NR2F2: variants seen among roughly 807,000 people sequenced by gnomAD.
The protein encoded by NR2F2 is COUP transcription factor 2.
NR2F2 carries 2 observed loss-of-function variants against 34.8 expected under a neutral mutation model. The ratio of observed to expected loss-of-function variants is 0.06; its 90% confidence interval spans 0.02 to 0.18. The LOEUF (loss-of-function observed/expected upper bound fraction) is 0.18, where lower values mean the gene tolerates loss of function less well. Among genes scored for constraint, NR2F2 ranks in the 10% least tolerant of loss-of-function variants. NR2F2 has a pLI of 1.00. For synonymous variants in NR2F2, 274 were observed against 251.8 expected (o/e 1.09, Z -0.84); for missense variants, 300 against 580.1 (o/e 0.52, Z 4.96).
Position 96,331,696 on chromosome 15 carries a change from T to TTTTTTTGCCTCC in NR2F2, c.-408_-397dup. On this transcript the variant is annotated 5_prime_UTR_variant, in exon 1 of 3. Transcript: ENST00000394166. ...CGAGCGAGATCTTTGGAGAGATTTTTTTTTTTGCCTCCTACTTCTGTCTTG... is the reference window on the plus strand; with the variant it reads ...CGAGCGAGATCTTTGGAGAGATTTTTTTTTTTGCCTCCTTTTTTGCCTCCTACTTCTGTCTTG... 9.5e-7 allele frequency: 1 copy of TTTTTTTGCCTCC among 1,057,586 alleles called. No individual in the cohort carries two copies. Among genetic ancestry groups the TTTTTTTGCCTCC allele is most frequent in the Non-Finnish European group, 1.2e-6 (1 of 833,896 alleles). 65.5% of individuals were successfully genotyped at this position (1,057,586 alleles called of 1,614,324 possible). A position where few individuals can be genotyped will look rare whatever the true frequency, so the allele number is the denominator to read the frequency against.
At position 96,339,156 on chromosome 15, in the gene NR2F2, G is replaced by GA. The variant is rs1411749518; in HGVS notation, c.*1539dup. The stretch of plus-strand genomic sequence containing the variant: ...AGTGCCTGCTTAGGGAAGGTATTGT[G>GA]AAAAAGTATTAGAAATCTTGAGATC... On this transcript the variant is annotated 3_prime_UTR_variant, in exon 3 of 3. Coordinates refer to ENST00000394166, the MANE Select transcript of NR2F2 (RefSeq NM_021005.4). 4 of 151,362 alleles carry GA rather than the reference G, an allele frequency of 2.6e-5. No individual in the cohort carries two copies. The highest frequency in any genetic ancestry group is 4.8e-5 in the African/African-American group (2 of 41,298). 9.4% of individuals were successfully genotyped at this position (151,362 alleles called of 1,614,324 possible).
chr15:96,326,429 T>A (rs1033465232), upstream of NR2F2: 26 of 1,274,252 alleles, frequency 2.0e-5, no homozygotes, highest in African/African-American at 3.4e-4. The surrounding 1 kb of genome is among the most constrained non-coding windows in gnomAD (Gnocchi z 5.5). Context: ...GGGTTGGGGA[T>A]GACTTGGGGC....
At chr15:96,332,610 A>G in intron 1 of NR2F2, 63 bp downstream of exon 1, 1 of 1,576,400 alleles carries the variant, frequency 6.3e-7, no homozygotes, top group South Asian at 1.2e-5. Context: ...ACGTTTGGCT[A>G]GCCTGCTCTG....
upstream of NR2F2, among the ~76,000 whole-genome samples, chr15:96,326,595 A>T (rs539645642): frequency 1.3e-4 from 20 of 152,122 alleles, 1 homozygote; most frequent in African/African-American, 4.8e-4. This position sits in a 1 kb window ranked among gnomAD's most constrained non-coding sequence, Gnocchi z 5.5. Flanking sequence ...GGGAAAATAC[A>T]ATTGCAAAGC....
At position 96,334,202 on chromosome 15, in the gene NR2F2, C is replaced by G; in HGVS notation, c.569C>G (p.Pro190Arg). 1 of 1,614,214 alleles carries G rather than the reference C, an allele frequency of 6.2e-7. No individual in the cohort carries two copies. The highest frequency in any genetic ancestry group is 1.1e-5 in the South Asian group (1 of 91,088). The change falls in exon 2 of 3, where the codon CCC becomes CGC. Residue 190 changes from proline (P) to arginine (R), a missense_variant. Coordinates refer to ENST00000394166, the MANE Select transcript of NR2F2 (RefSeq NM_021005.4). The part of the protein sequence containing the change: ...GYISLLLRAE[P>R]YPTSRFGSQC... ...ATTTCCCTGCTGTTGCGCGCGGAGC[C>G]CTATCCCACGTCGCGCTTCGGCAGC...
chr15:96,333,266 C>T (rs1173932775), intron 1 of NR2F2: 3 of 884,328 alleles, frequency 3.4e-6, no homozygotes, highest in Admixed American at 6.2e-5. Flanking sequence ...GCGCGCTCGG[C>T]GCGGGGCGCG....
In NR2F2 at chr15:96,339,650, G is replaced by C. The variant is rs941500410; in HGVS notation, c.*2028G>C. The C allele has an allele frequency of 1.3e-5, 2 of 152,200 alleles. No homozygotes were observed. The highest frequency in any genetic ancestry group is 2.9e-5 in the Non-Finnish European group (2 of 68,046). 9.4% of individuals were successfully genotyped at this position (152,200 alleles called of 1,614,324 possible). Reference sequence around the variant, plus strand: ...AGAAAGCAGGACAGAGAAAAAGAAAGAAGGAAGGAGGGAAACTTTACAGGG... The same window carrying C: ...AGAAAGCAGGACAGAGAAAAAGAAACAAGGAAGGAGGGAAACTTTACAGGG... On this transcript the variant is annotated 3_prime_UTR_variant, in exon 3 of 3. Transcript: ENST00000394166.
Position 96,332,254 on chromosome 15 carries a change from G to T in NR2F2, c.149G>T (p.Ser50Ile). 1 of 1,543,134 alleles carries T rather than the reference G, an allele frequency of 6.5e-7. No individual in the cohort carries two copies. Among genetic ancestry groups the T allele is most frequent in the Non-Finnish European group, 8.7e-7 (1 of 1,145,514 alleles). Reference sequence around the variant, plus strand: ...ACGCCCGGCCAAGGGGGCCCAGCCAGCACGCCAGCCCAGACGGCGGCCGGT... The same window carrying T: ...ACGCCCGGCCAAGGGGGCCCAGCCATCACGCCAGCCCAGACGGCGGCCGGT... ...PQTPGQGGPA[S>I]TPAQTAAGGQ... The change falls in exon 1 of 3, where the codon AGC becomes ATC. Residue 50 changes from serine to isoleucine, a missense_variant. Ser to Ile is a moderately radical substitution (Grantham distance 142). Transcript: ENST00000394166.
At chr15:96,326,336 A>C (rs765597304), upstream of NR2F2, 1 of 1,613,550 alleles carries the variant, frequency 6.2e-7, no homozygotes, top group South Asian at 1.1e-5. This position sits in a 1 kb window ranked among gnomAD's most constrained non-coding sequence, Gnocchi z 5.5. Context: ...ACCTTGAACA[A>C]GGCAAATATG....
In NR2F2 at chr15:96,331,590, T is replaced by G; in HGVS notation, c.-516T>G. 8.2e-7 allele frequency: 1 copy of G among 1,216,936 alleles called. No individual in the cohort carries two copies. Among genetic ancestry groups the G allele is most frequent in the Non-Finnish European group, 1.0e-6 (1 of 977,956 alleles). 75.4% of individuals were successfully genotyped at this position (1,216,936 alleles called of 1,614,324 possible). On this transcript the variant is annotated 5_prime_UTR_variant, in exon 1 of 3. Coordinates refer to ENST00000394166, the MANE Select transcript of NR2F2 (RefSeq NM_021005.4). ...CACCTCCTCTTCCTCCTCCTCCTCCTCCTCCTCCTCCGCCAACTCCTCGGC... is the reference window on the plus strand; with the variant it reads ...CACCTCCTCTTCCTCCTCCTCCTCCGCCTCCTCCTCCGCCAACTCCTCGGC...
intron 2 of NR2F2, among the ~76,000 whole-genome samples, chr15:96,336,455 A>G (rs549622319): frequency 1.3e-5 from 2 of 152,052 alleles, no homozygotes; most frequent in East Asian, 3.9e-4. Context: ...AGATTTTCGA[A>G]TATCTGTTTT....
chr15:96,335,682 T>G (rs1170844845), intron 2 of NR2F2, among the ~76,000 whole-genome samples: 1 of 152,206 alleles, frequency 6.6e-6, no homozygotes, highest in Non-Finnish European at 1.5e-5. Context: ...TTTAAGCTTG[T>G]TAACAGGAAA....
At chr15:96,326,302 G>T, upstream of NR2F2, 1 of 1,612,934 alleles carries the variant, frequency 6.2e-7, no homozygotes, top group Non-Finnish European at 8.5e-7. The surrounding 1 kb of genome is among the most constrained non-coding windows in gnomAD (Gnocchi z 5.5). Flanking sequence ...TTCCAGTTTA[G>T]GAGGAAGATG....
At chr15:96,332,954 A>AAC (rs1899195443) in intron 1 of NR2F2, among the ~76,000 whole-genome samples, 1 of 151,070 alleles carries the variant, frequency 6.6e-6, no homozygotes, top group South Asian at 2.1e-4. Context: ...AAAAAAAAAA[A>AAC]AAAAAACCTG....
intron 2 of NR2F2, 40 bp downstream of exon 2, chr15:96,334,643 AGCCCAGAGCTGGG>A: frequency 1.3e-6 from 2 of 1,543,990 alleles, no homozygotes; most frequent in South Asian, 2.5e-5. Flanking sequence ...ACGGGCTCCT[AGCCCAGAGCTGGG>A]GCCCAGAGAA....
upstream of NR2F2, among the ~76,000 whole-genome samples, chr15:96,327,694 G>A (rs1473997785): frequency 6.6e-6 from 1 of 152,228 alleles, no homozygotes; most frequent in Non-Finnish European, 1.5e-5. Context: ...AATCCTGGAG[G>A]ACGGAACTGG....
chr15:96,335,196 C>A (rs1184027368), intron 2 of NR2F2, among the ~76,000 whole-genome samples: 1 of 152,218 alleles, frequency 6.6e-6, no homozygotes, highest in Admixed American at 6.5e-5. Flanking sequence ...AGGAAAGGGA[C>A]CGTCATAACT....
At position 96,332,032 on chromosome 15, in the gene NR2F2, C is replaced by T. The variant is rs1899161258; in HGVS notation, c.-74C>T. On this transcript the variant is annotated 5_prime_UTR_variant, in exon 1 of 3. Transcript: ENST00000394166. The stretch of plus-strand genomic sequence containing the variant: ...AAAGGCGGCGCGCCGGAGCCCGAGA[C>T]CCGGGGAGCCGCCGCCGCCCCGCCG... The T allele has an allele frequency of 8.1e-7, 1 of 1,242,032 alleles. No individual in the cohort carries two copies. The highest frequency in any genetic ancestry group is 1.0e-6 in the Non-Finnish European group (1 of 992,316). 76.9% of individuals were successfully genotyped at this position (1,242,032 alleles called of 1,614,324 possible). A position where few individuals can be genotyped will look rare whatever the true frequency, so the allele number is the denominator to read the frequency against.
At chr15:96,337,032 T>C (rs1239879846) in intron 2 of NR2F2, among the ~76,000 whole-genome samples, 2 of 152,204 alleles carry the variant, frequency 1.3e-5, no homozygotes, top group Non-Finnish European at 2.9e-5. Flanking sequence ...AATGCACTTT[T>C]GCTTGGGCCT....
Sources: gnomAD v4.1 joint callset for allele counts (sites outside exome capture counted in the v4.1 genomes callset) on GRCh38, gnomAD v4.1.1 for gene constraint, Gnocchi (gnomAD v3.1) non-coding constraint, MANE v1.5 for transcripts, NCBI Gene and HGNC (gene_info 2026-07-23, HGNC 2026-07-21) for gene names.